Variants in EIF2AK3 observed in about 807,000 individuals in gnomAD.
EIF2AK3 encodes eukaryotic translation initiation factor 2 alpha kinase 3, also known as eukaryotic translation initiation factor 2-alpha kinase 3.
In EIF2AK3, 50 loss-of-function variants were observed where a neutral mutation model predicts 113.5. The observed-to-expected ratio is 0.44, with a 90% CI of 0.35 to 0.56. The LOEUF (loss-of-function observed/expected upper bound fraction) is 0.56. EIF2AK3 is among the 20% of genes least tolerant of loss of function. The pLI, the probability that EIF2AK3 is intolerant of heterozygous loss-of-function variation, is 0.00. For synonymous variants in EIF2AK3, 448 were observed against 495.4 expected (o/e 0.90, Z 1.27); for missense variants, 1,185 against 1,378.0 (o/e 0.86, Z 2.22).
At chr2:88,610,613 C>T (rs1675430789) in intron 2 of EIF2AK3, among the ~76,000 whole-genome samples, 1 of 152,122 alleles carries the variant, frequency 6.6e-6, no homozygotes, top group African/African-American at 2.4e-5. Flanking sequence ...TTCTATTAAA[C>T]CAAAAATTTA....
chr2:88,625,875 G>A (rs185643866), intron 1 of EIF2AK3, among the ~76,000 whole-genome samples: 109 of 151,998 alleles, frequency 7.2e-4, no homozygotes, highest in African/African-American at 2.5e-3. Context: ...ATATTCAAAT[G>A]GTGCCTAGAG....
intron 12 of EIF2AK3, 88 bp from the exon 13 acceptor site, chr2:88,575,534 C>T: frequency 8.4e-6 from 12 of 1,431,280 alleles, no homozygotes; most frequent in Non-Finnish European, 1.2e-5. Flanking sequence ...AAAGCTTCAA[C>T]TGTAATAAGG....
Position 88,574,872 on chromosome 2 carries a change from T to C in EIF2AK3, c.2611A>G (p.Thr871Ala). The change falls in exon 13 of 17, where the codon ACC becomes GCC. Residue 871 changes from threonine (T) to alanine (A), a missense_variant. Physicochemically the swap from Thr to Ala is moderately conservative, Grantham distance 58. Coordinates refer to ENST00000303236, the MANE Select transcript of EIF2AK3 (RefSeq NM_004836.7). ...GAACTGGGCTGGAGTTTTTCTGTGG[T>C]GTTTTTAGTGAGATCTAAACTTAAA... ...TTLSLDLTKN[T>A]TEKLQPSSPK... 6.2e-7 allele frequency: 1 copy of C among 1,614,190 alleles called. No homozygotes were observed. Among genetic ancestry groups the C allele is most frequent in the Non-Finnish European group, 8.5e-7 (1 of 1,180,010 alleles).
chr2:88,575,100 AAGG>A lies in EIF2AK3; in HGVS notation c.2380_2382del (p.Pro794del). 2 of 1,614,200 alleles carry A rather than the reference AAGG, an allele frequency of 1.2e-6. No individual in the cohort carries two copies. The highest frequency in any genetic ancestry group is 1.7e-6 in the Non-Finnish European group (2 of 1,180,028). Reference sequence around the variant, plus strand: ...GAGGTTCTCTCCCTTGACCTTACATAAGGAGAAGCTTCAGAAGGACAAAGTTCA... The same window carrying A: ...GAGGTTCTCTCCCTTGACCTTACATAAGAAGCTTCAGAAGGACAAAGTTCA... On this transcript the variant is annotated inframe_deletion, in exon 13 of 17. Coordinates refer to ENST00000303236, the MANE Select transcript of EIF2AK3 (RefSeq NM_004836.7).
intron 1 of EIF2AK3, among the ~76,000 whole-genome samples, chr2:88,619,259 G>A (rs532531847): frequency 6.6e-6 from 1 of 152,190 alleles, no homozygotes; most frequent in South Asian, 2.1e-4. Context: ...CTAAAGTGCT[G>A]GGATTATAGG....
At chr2:88,583,317 G>T in intron 10 of EIF2AK3, 113 bp downstream of exon 10, 1 of 758,456 alleles carries the variant, frequency 1.3e-6, no homozygotes, top group African/African-American at 1.8e-5. Flanking sequence ...ATTTATTGAG[G>T]GTTAAGCCTA....
chr2:88,626,735 G>A (rs1675868784), intron 1 of EIF2AK3, among the ~76,000 whole-genome samples: 1 of 152,260 alleles, frequency 6.6e-6, no homozygotes, highest in Non-Finnish European at 1.5e-5. Flanking sequence ...CTGCGAGGAT[G>A]CTGCTCTGAC....
chr2:88,601,374 G>A (rs1487776252), intron 2 of EIF2AK3, among the ~76,000 whole-genome samples: 2 of 152,212 alleles, frequency 1.3e-5, no homozygotes, highest in African/African-American at 2.4e-5. Flanking sequence ...AGAAGCCTTC[G>A]TATCTGGTGC....
At chr2:88,588,279 C>T (rs1234516813) in intron 7 of EIF2AK3, among the ~76,000 whole-genome samples, 175 bp from the exon 8 acceptor site, 7 of 152,086 alleles carry the variant, frequency 4.6e-5, no homozygotes, top group Non-Finnish European at 5.9e-5. Flanking sequence ...CACAGTTTTA[C>T]AGAGAATCTG....
chr2:88,595,786 T>C, intron 2 of EIF2AK3, 123 bp from the exon 3 acceptor site: 1 of 974,294 alleles, frequency 1.0e-6, no homozygotes, highest in Non-Finnish European at 1.6e-6. Flanking sequence ...AGCTGGAGTC[T>C]TGATCCTGAT....
At chr2:88,601,497 A>G (rs894378109) in intron 2 of EIF2AK3, among the ~76,000 whole-genome samples, 1 of 152,182 alleles carries the variant, frequency 6.6e-6, no homozygotes, top group Non-Finnish European at 1.5e-5. Flanking sequence ...ACATTCATTC[A>G]TTTATGTATC....
At chr2:88,605,415 T>C (rs1339661097) in intron 2 of EIF2AK3, among the ~76,000 whole-genome samples, 1 of 152,158 alleles carries the variant, frequency 6.6e-6, no homozygotes, top group Non-Finnish European at 1.5e-5. Flanking sequence ...TTATGCAAGG[T>C]CAGTTATTTC....
intron 1 of EIF2AK3, among the ~76,000 whole-genome samples, chr2:88,620,813 T>G (rs1234651439): frequency 6.6e-6 from 1 of 152,268 alleles, no homozygotes; most frequent in Admixed American, 6.5e-5. Context: ...TAGTTAATTC[T>G]TTAACACAAT....
At chr2:88,613,403 G>C (rs1203962289) in intron 2 of EIF2AK3, among the ~76,000 whole-genome samples, 1 of 152,044 alleles carries the variant, frequency 6.6e-6, no homozygotes, top group Non-Finnish European at 1.5e-5. Flanking sequence ...ATTATTCCTA[G>C]AGATCTTGTG....
At chr2:88,600,313 C>T (rs1163226968) in intron 2 of EIF2AK3, among the ~76,000 whole-genome samples, 3 of 152,112 alleles carry the variant, frequency 2.0e-5, no homozygotes, top group African/African-American at 7.2e-5. Flanking sequence ...AATAGCATTA[C>T]CTCACCCCCT....
chr2:88,593,176 A>C, intron 4 of EIF2AK3, 96 bp downstream of exon 4: 1 of 1,497,620 alleles, frequency 6.7e-7, no homozygotes. Context: ...TTAAGGCAAC[A>C]AAATAGTCAA....
chr2:88,605,223 T>A (rs1326383489), intron 2 of EIF2AK3, among the ~76,000 whole-genome samples: 1 of 152,192 alleles, frequency 6.6e-6, no homozygotes, highest in Non-Finnish European at 1.5e-5. Flanking sequence ...AAATATAAAC[T>A]CAGTCTAGCT....
intron 10 of EIF2AK3, chr2:88,579,909 T>A (rs1047794043): frequency 4.2e-5 from 16 of 384,820 alleles, no homozygotes; most frequent in African/African-American, 3.3e-4. Context: ...TTCTTACAAC[T>A]GCTGCACTAG....
intron 16 of EIF2AK3, among the ~76,000 whole-genome samples, chr2:88,558,145 T>G (rs1673835644): frequency 6.6e-6 from 1 of 152,186 alleles, no homozygotes; most frequent in Non-Finnish European, 1.5e-5. Flanking sequence ...CATGGCTGTG[T>G]TCCAATAGAA....
Sources: allele counts gnomAD v4.1 joint callset (sites outside exome capture counted in the v4.1 genomes callset), GRCh38; gene constraint gnomAD v4.1.1; transcripts MANE v1.5; gene names NCBI Gene and HGNC (gene_info 2026-07-23, HGNC 2026-07-21).